APLP1: variants seen among roughly 807,000 people sequenced by gnomAD.
The protein encoded by APLP1 is amyloid beta (A4) precursor-like protein 1.
A neutral mutation model predicts 84.5 loss-of-function variants in APLP1; 46 were observed. The observed-to-expected ratio is 0.54, with a 90% CI of 0.43 to 0.70. APLP1 has a LOEUF of 0.70. Ranked by LOEUF, APLP1 falls within the 30% of genes least tolerant of loss-of-function variation. The pLI, the probability that APLP1 is intolerant of heterozygous loss-of-function variation, is 0.00. For missense variants in APLP1, 826 were observed against 900.2 expected (o/e 0.92, Z 1.05); for synonymous variants, 376 against 364.0 (o/e 1.03, Z -0.38).
intron 6 of APLP1, 67 bp downstream of exon 6, chr19:35,872,103 C>CT: frequency 6.5e-7 from 1 of 1,547,274 alleles, no homozygotes; most frequent in Non-Finnish European, 8.7e-7. Flanking sequence ...GGGAGTCTTG[C>CT]TGGGGGGTGT....
At position 35,874,462 on chromosome 19, in the gene APLP1, C is replaced by T. The variant is rs759103815; in HGVS notation, c.1057-42C>T. On this transcript the variant is annotated intron_variant, in intron 8 of 16. Coordinates refer to ENST00000221891, the MANE Select transcript of APLP1 (RefSeq NM_001024807.3). The surrounding 1 kb of genome is among the most constrained non-coding windows in gnomAD (Gnocchi z 6.4). ...AGGCTCTCTTTGACCAGGCTTTGAC[C>T]CATCTTCTCCTCTCCTGACCCTGTG... 2.5e-6 allele frequency: 4 copies of T among 1,608,790 alleles called. No individual in the cohort carries two copies. The highest frequency in any genetic ancestry group is 2.6e-6 in the Non-Finnish European group (3 of 1,175,878).
intron 4 of APLP1, 36 bp from the exon 5 acceptor site, chr19:35,871,576 C>T (rs747208472): frequency 1.9e-6 from 3 of 1,612,258 alleles, no homozygotes; most frequent in East Asian, 2.2e-5. Flanking sequence ...CCCTCCCATC[C>T]CACAATCCTG....
At position 35,872,079 on chromosome 19, in the gene APLP1, G is replaced by A. The variant is rs540130957; in HGVS notation, c.850+43G>A. ...CCCCTGGGGCCTCTCCACCATAGAG[G>A]GAGAAAGATCTGGGGGAGTCTTGCT... On this transcript the variant is annotated intron_variant, in intron 6 of 16. Transcript: ENST00000221891. 2.0e-4 allele frequency: 310 copies of A among 1,588,294 alleles called. 1 individual carries two copies. In the South Asian group the frequency reaches 3.3e-3, roughly 17 times the overall value.
At position 35,879,486 on chromosome 19, in the gene APLP1, T is replaced by C; in HGVS notation, c.*45T>C. ...TCAGCCGAGCCCAGACCTCCCCTCTTCCTGGAGCCCCAGAACCCCAACTCC... is the reference window on the plus strand; with the variant it reads ...TCAGCCGAGCCCAGACCTCCCCTCTCCCTGGAGCCCCAGAACCCCAACTCC... On this transcript the variant is annotated 3_prime_UTR_variant, in exon 17 of 17. Coordinates refer to ENST00000221891, the MANE Select transcript of APLP1 (RefSeq NM_001024807.3). The C allele has an allele frequency of 5.1e-6, 8 of 1,569,598 alleles. No individual in the cohort carries two copies. The highest frequency in any genetic ancestry group is 5.2e-6 in the Non-Finnish European group (6 of 1,142,886).
At chr19:35,878,155 C>A in intron 13 of APLP1, 47 bp downstream of exon 13, 4 of 1,591,712 alleles carry the variant, frequency 2.5e-6, no homozygotes, top group Non-Finnish European at 3.4e-6. Flanking sequence ...CACTGAATCC[C>A]TGAACCCAGA....
chr19:35,878,980 G>A, intron 15 of APLP1, 28 bp downstream of exon 15: 1 of 1,613,964 alleles, frequency 6.2e-7, no homozygotes, highest in Non-Finnish European at 8.5e-7. Context: ...CGGGTACCTA[G>A]GGGAAGAGAC....
At chr19:35,870,006 G>A (rs1974103155) in intron 2 of APLP1, among the ~76,000 whole-genome samples, 196 bp downstream of exon 2, 1 of 152,050 alleles carries the variant, frequency 6.6e-6, no homozygotes, top group Non-Finnish European at 1.5e-5. Flanking sequence ...GAGATAGCCA[G>A]AGAGGAAGTG....
At chr19:35,869,947 G>A in intron 2 of APLP1, 137 bp downstream of exon 2, 2 of 1,141,404 alleles carry the variant, frequency 1.8e-6, no homozygotes, top group Non-Finnish European at 2.4e-6. Context: ...CTATGCTAGG[G>A]GCAGGGGACC....
chr19:35,875,160 CTTTTTTTTTTT>C (rs71167572), intron 10 of APLP1, among the ~76,000 whole-genome samples: 2 of 115,794 alleles, frequency 1.7e-5, no homozygotes, highest in Admixed American at 1.8e-4. Context: ...CCAGAATCGT[CTTTTTTTTTTT>C]TTTTTTTTTG....
At position 35,878,697 on chromosome 19, in the gene APLP1, C is replaced by T. The variant is rs755868496; in HGVS notation, c.1650+43C>T. ...GTGGGCTCCCTAAGGGGAACAAGAT[C>T]GGGGCCTATATGGCTGGGTACGAGG... On this transcript the variant is annotated intron_variant, in intron 14 of 16. Coordinates refer to ENST00000221891, the MANE Select transcript of APLP1 (RefSeq NM_001024807.3). 1.5e-5 allele frequency: 24 copies of T among 1,607,534 alleles called. No individual in the cohort carries two copies. In the Middle Eastern group the frequency reaches 6.6e-4, roughly 44 times the overall value.
rs370828851 is a variant in APLP1 at position 35,879,342 on chromosome 19, G to A, written c.1858-1G>A. ...TCCTTTCCCTCCCCTGCTCGTTGCA[G>A]GTGGACCCCATGCTGACCCTGGAGG... On this transcript the variant is annotated splice_acceptor_variant, in intron 16 of 16. Transcript: ENST00000221891. LOFTEE classifies it high-confidence loss of function. The A allele has an allele frequency of 6.2e-7, 1 of 1,613,962 alleles. No homozygotes were observed. Among genetic ancestry groups the A allele is most frequent in the Non-Finnish European group, 8.5e-7 (1 of 1,179,988 alleles).
At chr19:35,869,589 G>A (rs760321239) in intron 1 of APLP1, 78 bp from the exon 2 acceptor site, 4 of 1,573,728 alleles carry the variant, frequency 2.5e-6, no homozygotes, top group Admixed American at 1.8e-5. Flanking sequence ...GGGGGTCTCG[G>A]TCCTAGGGAG....
chr19:35,868,691 CCG>C lies in APLP1; in HGVS notation c.57_58del (p.Leu20AlafsTer124). On this transcript the variant is annotated frameshift_variant, in exon 1 of 17. Transcript: ENST00000221891. LOFTEE classifies it high-confidence loss of function. The surrounding 1 kb of genome is among the most constrained non-coding windows in gnomAD (Gnocchi z 5.2). Reference sequence around the variant, plus strand: ...TCTAAGTCGCCGCCCGGGCCAGCCGCCGCTGCCGCTGCTGCTGCCACTATTGC... The same window carrying C: ...TCTAAGTCGCCGCCCGGGCCAGCCGCCTGCCGCTGCTGCTGCCACTATTGC... Reference protein sequence around the residue: ...RGLSRRPGQPPLPLLLPLLLL... With the variant: ...RGLSRRPGQPXLPLLLPLLLL... The C allele has an allele frequency of 1.4e-6, 2 of 1,413,540 alleles. No homozygotes were observed. The highest frequency in any genetic ancestry group is 1.8e-6 in the Non-Finnish European group (2 of 1,087,928). 87.6% of individuals were successfully genotyped at this position (1,413,540 alleles called of 1,614,324 possible).
intron 7 of APLP1, among the ~76,000 whole-genome samples, chr19:35,873,346 C>T (rs1033880475): frequency 1.3e-5 from 2 of 150,476 alleles, no homozygotes; most frequent in African/African-American, 4.9e-5. Flanking sequence ...CTCCTGGGTT[C>T]ACGCCATTCT....
At chr19:35,878,817 G>A (rs898035950) in intron 14 of APLP1, 73 bp from the exon 15 acceptor site, 43 of 1,577,690 alleles carry the variant, frequency 2.7e-5, no homozygotes, top group East Asian at 4.5e-5. Flanking sequence ...GCTGGGGGAC[G>A]CTCTCTTGGG....
At chr19:35,873,506 C>A (rs943428540) in intron 7 of APLP1, 133 bp from the exon 8 acceptor site, 86 of 835,650 alleles carry the variant, frequency 1.0e-4, no homozygotes, top group Non-Finnish European at 1.5e-4. Context: ...CTCGGCCTCC[C>A]AAAGTGCTGG....
chr19:35,868,850 G>C lies in APLP1; in HGVS notation c.147+67G>C, dbSNP rs544876564. On this transcript the variant is annotated intron_variant, in intron 1 of 16. Transcript: ENST00000221891. This position sits in a 1 kb window ranked among gnomAD's most constrained non-coding sequence, Gnocchi z 5.2. ...GACCGGGTCTCTGGACGCCGGCGCG[G>C]ACATGTCCAGGGCAGAAAGCGCGGT... 1.9e-4 allele frequency: 235 copies of C among 1,239,608 alleles called. 1 individual carries two copies. The African/African-American group carries it at 3.5e-3, about 19-fold the overall frequency. The allele number at this position is 1,239,608 out of a possible 1,614,324, so 76.8% of individuals were successfully genotyped here.
Position 35,874,648 on chromosome 19 carries a change from G to C in APLP1, c.1201G>C (p.Ala401Pro). Residue 401 changes from alanine (A) to proline (P), a missense_variant, in exon 9 of 17, where the codon GCA becomes CCA. This residue lies in a region of APLP1 where 433 missense variants were observed against 496.5 expected (regional missense o/e 0.87). Coordinates refer to ENST00000221891, the MANE Select transcript of APLP1 (RefSeq NM_001024807.3). The surrounding 1 kb of genome is among the most constrained non-coding windows in gnomAD (Gnocchi z 6.4). Reference sequence around the variant, plus strand: ...GGAGGGCTTCCTGGCAGCCCTGCAGGCAGATCCGCCTCAGGTGCGGGGACC... The same window carrying C: ...GGAGGGCTTCCTGGCAGCCCTGCAGCCAGATCCGCCTCAGGTGCGGGGACC... The part of the protein sequence containing the change: ...ALEGFLAALQ[A>P]DPPQAERVLL... 4 of 1,613,610 alleles carry C rather than the reference G, an allele frequency of 2.5e-6. No homozygotes were observed. The highest frequency in any genetic ancestry group is 3.4e-6 in the Non-Finnish European group (4 of 1,179,988).
intron 10 of APLP1, among the ~76,000 whole-genome samples, chr19:35,875,179 T>TTC (rs1465161363): frequency 1.3e-5 from 2 of 150,892 alleles, no homozygotes; most frequent in African/African-American, 4.9e-5. Flanking sequence ...TTTTTTTTTT[T>TTC]TGAGACAGGT....
Sources: gnomAD v4.1 joint callset for allele counts (sites outside exome capture counted in the v4.1 genomes callset) on GRCh38, gnomAD v4.1.1 for gene constraint, gnomAD v4.1.1 regional missense constraint, Gnocchi (gnomAD v3.1) non-coding constraint, MANE v1.5 for transcripts, NCBI Gene and HGNC (gene_info 2026-07-23, HGNC 2026-07-21) for gene names.